Variants in NIPSNAP2 observed in about 807,000 individuals in gnomAD.
NIPSNAP2 encodes the protein protein NipSnap homolog 2.
NIPSNAP2 carries 42 observed loss-of-function variants against 48.4 expected under a neutral mutation model. The observed-to-expected ratio is 0.87, with a 90% CI of 0.68 to 1.12. NIPSNAP2 has a LOEUF of 1.12. NIPSNAP2 is among the 50% of genes most tolerant of loss of function. The pLI, the probability that NIPSNAP2 is intolerant of heterozygous loss-of-function variation, is 0.00. For missense variants in NIPSNAP2, 314 were observed against 347.3 expected, an observed-to-expected ratio of 0.90 and a Z score of 0.76; for synonymous variants, 158 against 126.6, an observed-to-expected ratio of 1.25 and a Z score of -1.67.
intron 1 of NIPSNAP2, among the ~76,000 whole-genome samples, chr7:55,966,862 C>G (rs2116324159): frequency 6.6e-6 from 1 of 152,280 alleles, no homozygotes; most frequent in East Asian, 1.9e-4. Context: ...GGCTGCAAAG[C>G]AAGTCCTGGG....
intron 9 of NIPSNAP2, among the ~76,000 whole-genome samples, chr7:55,998,357 A>G (rs758889522): frequency 3.9e-5 from 6 of 152,086 alleles, no homozygotes. Context: ...ATTATATAAC[A>G]TATAATTACA....
chr7:55,987,888 C>G (rs572608219), intron 7 of NIPSNAP2, among the ~76,000 whole-genome samples: 2 of 152,140 alleles, frequency 1.3e-5, no homozygotes, highest in Admixed American at 6.6e-5. Context: ...TGTGGCATAA[C>G]AGTGTAAATA....
At chr7:55,981,234 T>G in intron 3 of NIPSNAP2, 1 of 311,166 alleles carries the variant, frequency 3.2e-6, no homozygotes. Context: ...ATTATACTGA[T>G]TGAACAACTC....
intron 1 of NIPSNAP2, among the ~76,000 whole-genome samples, chr7:55,977,630 C>A (rs1787129631): frequency 6.6e-6 from 1 of 152,068 alleles, no homozygotes; most frequent in African/African-American, 2.4e-5. Flanking sequence ...TAAATTGTGG[C>A]AAAATGTACG....
At chr7:55,964,880 C>T (rs143821544) in intron 1 of NIPSNAP2, 179 bp downstream of exon 1, 10,634 of 217,838 alleles carry the variant, frequency 0.049, 477 homozygotes, top group East Asian at 0.22. Context: ...GTCGGGGCGT[C>T]CTCGGGCTCA....
chr7:55,983,142 A>AG, intron 5 of NIPSNAP2, among the ~76,000 whole-genome samples: 1 of 152,204 alleles, frequency 6.6e-6, no homozygotes, highest in Admixed American at 6.5e-5. Context: ...ACACAAAAAA[A>AG]ACCCCCAAAA....
chr7:55,984,936 A>G lies in NIPSNAP2; in HGVS notation c.617+58A>G, dbSNP rs936784841. On this transcript the variant is annotated intron_variant, in intron 7 of 9. Coordinates refer to ENST00000322090, the MANE Select transcript of NIPSNAP2 (RefSeq NM_001483.3). ...TCTTGTGAATAGATTAGTTTAGGCCATAGTGTTAATTCTAGGGAAAAAAAT... is the reference window on the plus strand; with the variant it reads ...TCTTGTGAATAGATTAGTTTAGGCCGTAGTGTTAATTCTAGGGAAAAAAAT... 5.8e-6 allele frequency: 8 copies of G among 1,378,556 alleles called. No homozygotes were observed. In the Admixed American group the frequency reaches 5.8e-5, roughly 10 times the overall value. 85.4% of individuals were successfully genotyped at this position (1,378,556 alleles called of 1,614,324 possible).
intron 1 of NIPSNAP2, among the ~76,000 whole-genome samples, chr7:55,970,252 G>A (rs117111459): frequency 0.028 from 4,199 of 151,824 alleles, 66 homozygotes; most frequent in Non-Finnish European, 0.042. Flanking sequence ...GCATGTTCCT[G>A]GCCTTTGTTG....
chr7:55,964,957 C>T (rs1562759121), intron 1 of NIPSNAP2: 1 of 184,454 alleles, frequency 5.4e-6, no homozygotes, highest in African/African-American at 2.4e-5. Flanking sequence ...GAGGCTTGGC[C>T]CGGAGGCCAC....
At chr7:55,992,974 A>T (rs80045392) in intron 7 of NIPSNAP2, among the ~76,000 whole-genome samples, 3 of 150,114 alleles carry the variant, frequency 2.0e-5, no homozygotes, top group South Asian at 2.1e-4. Context: ...ATCACTAAAT[A>T]TTTTTTTTTT....
At chr7:55,991,406 G>T (rs1787441013) in intron 7 of NIPSNAP2, among the ~76,000 whole-genome samples, 1 of 151,842 alleles carries the variant, frequency 6.6e-6, no homozygotes, top group African/African-American at 2.4e-5. Flanking sequence ...ATCAAGACTC[G>T]CTCGCCGTGG....
At chr7:55,966,266 A>G (rs1352699892) in intron 1 of NIPSNAP2, among the ~76,000 whole-genome samples, 1 of 152,166 alleles carries the variant, frequency 6.6e-6, no homozygotes, top group African/African-American at 2.4e-5. Flanking sequence ...GCTAAATGTT[A>G]ATAGACACAT....
At chr7:55,990,748 CTTT>C (rs936764414) in intron 7 of NIPSNAP2, among the ~76,000 whole-genome samples, 2 of 148,676 alleles carry the variant, frequency 1.3e-5, no homozygotes, top group Non-Finnish European at 1.5e-5. Context: ...ACCTTTTTGC[CTTT>C]TTTTTTAACT....
At chr7:55,974,847 TAAAAAA>T (rs11391060) in intron 1 of NIPSNAP2, among the ~76,000 whole-genome samples, 5 of 112,286 alleles carry the variant, frequency 4.5e-5, no homozygotes, top group Non-Finnish European at 8.5e-5. Flanking sequence ...GACTCTGTCT[TAAAAAA>T]AAAAAAAAAA....
intron 1 of NIPSNAP2, among the ~76,000 whole-genome samples, chr7:55,977,504 T>C (rs1017403465): frequency 6.6e-6 from 1 of 152,182 alleles, no homozygotes; most frequent in Non-Finnish European, 1.5e-5. Flanking sequence ...GTAAAACATA[T>C]ATACATAAAA....
At chr7:55,965,662 C>T (rs1786878361) in intron 1 of NIPSNAP2, among the ~76,000 whole-genome samples, 1 of 103,048 alleles carries the variant, frequency 9.7e-6, no homozygotes, top group Admixed American at 1.1e-4. Flanking sequence ...CTCACTGCAA[C>T]CTCCGCCTCC....
chr7:55,966,196 C>A (rs563524037), intron 1 of NIPSNAP2, among the ~76,000 whole-genome samples: 1 of 152,310 alleles, frequency 6.6e-6, no homozygotes, highest in South Asian at 2.1e-4. Flanking sequence ...GGCAGTATGA[C>A]TCCTCAAAGG....
chr7:55,982,859 A>G (rs1157235226), intron 5 of NIPSNAP2, among the ~76,000 whole-genome samples: 1 of 151,964 alleles, frequency 6.6e-6, no homozygotes, highest in Non-Finnish European at 1.5e-5. Flanking sequence ...GCGGTAACTC[A>G]TGCTTGTAAT....
At chr7:55,981,321 G>A in intron 3 of NIPSNAP2, 152 bp from the exon 4 acceptor site, 1 of 584,894 alleles carries the variant, frequency 1.7e-6, no homozygotes, top group Non-Finnish European at 3.1e-6. Flanking sequence ...TCAGCTAAAA[G>A]GTTAACTCCA....
Sources: allele counts gnomAD v4.1 joint callset (sites outside exome capture counted in the v4.1 genomes callset), GRCh38; gene constraint gnomAD v4.1.1; transcripts MANE v1.5; gene names NCBI Gene and HGNC (gene_info 2026-07-23, HGNC 2026-07-21).